Variants in SRPRB observed in about 807,000 individuals in gnomAD.
The protein encoded by SRPRB is signal recognition particle receptor subunit beta.
In SRPRB, 20 loss-of-function variants were observed where a neutral mutation model predicts 31.9. The observed-to-expected ratio is 0.63, with a 90% CI of 0.44 to 0.91. SRPRB has a LOEUF of 0.91. Among genes scored for constraint, SRPRB ranks in the 40% least tolerant of loss-of-function variants. The pLI is 0.00. For synonymous variants in SRPRB, 146 were observed against 132.8 expected, an observed-to-expected ratio of 1.10 and a Z score of -0.68; for missense variants, 321 against 324.9, an observed-to-expected ratio of 0.99 and a Z score of 0.09.
intron 1 of SRPRB, among the ~76,000 whole-genome samples, chr3:133,798,368 CA>C (rs1475735603): frequency 1.3e-5 from 2 of 152,154 alleles, no homozygotes; most frequent in East Asian, 3.8e-4. Context: ...TTAAGTAATT[CA>C]GTGAAAATAT....
In SRPRB at chr3:133,806,008, A is replaced by G; in HGVS notation, c.154+6A>G. 1 of 1,611,348 alleles carries G rather than the reference A, an allele frequency of 6.2e-7. No individual in the cohort carries two copies. The highest frequency in any genetic ancestry group is 8.5e-7 in the Non-Finnish European group (1 of 1,178,410). ...TGCGGTGCTGCTGACGCTAGGTAAA[A>G]GGCGGCCGGTGGTCATGGCGGGTTT... is the stretch of plus-strand genomic sequence containing the variant. On this transcript the variant is annotated splice_donor_region_variant and intron_variant, in intron 1 of 6. Coordinates refer to ENST00000678299, the MANE Select transcript of SRPRB (RefSeq NM_001379313.1).
chr3:133,797,936 A>T (rs1458335770), intron 1 of SRPRB, among the ~76,000 whole-genome samples: 1 of 152,120 alleles, frequency 6.6e-6, no homozygotes, highest in Admixed American at 6.6e-5. Context: ...AAGAGGGAGA[A>T]GGGGAAGGGT....
At chr3:133,817,251 G>A (rs578060192) in intron 6 of SRPRB, among the ~76,000 whole-genome samples, 2 of 152,204 alleles carry the variant, frequency 1.3e-5, no homozygotes, top group South Asian at 2.1e-4. Flanking sequence ...ACTTGAGAAC[G>A]GTGTTATTTC....
intron 1 of SRPRB, chr3:133,787,703 C>G (rs553446121): frequency 6.6e-6 from 1 of 152,236 alleles, no homozygotes; most frequent in African/African-American, 2.4e-5. Context: ...CTATTGTGTA[C>G]TAGAAAATTT....
downstream of SRPRB, chr3:133,828,080 G>A (rs1935600299): frequency 3.0e-6 from 2 of 672,902 alleles, no homozygotes; most frequent in Admixed American, 2.1e-5. Flanking sequence ...GGCTTTTCAG[G>A]GAAAGAGAAG....
At chr3:133,793,207 G>GTA (rs1934888905) in intron 1 of SRPRB, 1 of 152,168 alleles carries the variant, frequency 6.6e-6, no homozygotes, top group Non-Finnish European at 1.5e-5. Flanking sequence ...CAGATTGTTT[G>GTA]TAAAGTAAGT....
intron 3 of SRPRB, 161 bp from the exon 4 acceptor site, chr3:133,810,956 A>G: frequency 1.6e-6 from 1 of 607,268 alleles, no homozygotes. Context: ...CCACTGTTAC[A>G]TCCCCAGAAC....
chr3:133,824,229 A>G (rs1187033708), downstream of SRPRB: 1 of 152,244 alleles, frequency 6.6e-6, no homozygotes. Flanking sequence ...AACACAGACA[A>G]GAAGCTTTGT....
chr3:133,797,360 T>G, intron 1 of SRPRB, among the ~76,000 whole-genome samples: 1 of 152,094 alleles, frequency 6.6e-6, no homozygotes. Flanking sequence ...GGGAAGGGCT[T>G]TAGGCCATGT....
At chr3:133,810,245 C>T (rs1229063528) in intron 3 of SRPRB, 1 of 152,088 alleles carries the variant, frequency 6.6e-6, no homozygotes. Flanking sequence ...CATAATAAAC[C>T]CAGCTGGAAT....
rs527575233 is a variant in SRPRB at position 133,818,599 on chromosome 3, A to T, written c.603-954A>T. Reference sequence around the variant, plus strand: ...CATGTTTTACTTTTTTCCTTAAAAAATTTTTATTGTAAAATATCTTACTTA... The same window carrying T: ...CATGTTTTACTTTTTTCCTTAAAAATTTTTTATTGTAAAATATCTTACTTA... On this transcript the variant is annotated intron_variant, in intron 6 of 6. Coordinates refer to ENST00000678299, the MANE Select transcript of SRPRB (RefSeq NM_001379313.1). Among the ~76,000 whole-genome samples the T allele has an allele frequency of 1.6e-4, 24 of 152,294 alleles. No individual in the cohort carries two copies. In the South Asian group the frequency reaches 2.9e-3, roughly 18 times the overall value.
chr3:133,817,250 C>A (rs913409590), intron 6 of SRPRB, among the ~76,000 whole-genome samples: 4 of 152,042 alleles, frequency 2.6e-5, no homozygotes, highest in Non-Finnish European at 5.9e-5. Context: ...AACTTGAGAA[C>A]GGTGTTATTT....
At chr3:133,816,270 C>G (rs1935365770) in intron 5 of SRPRB, among the ~76,000 whole-genome samples, 1 of 152,190 alleles carries the variant, frequency 6.6e-6, no homozygotes, top group African/African-American at 2.4e-5. Context: ...ATGAAGAGTT[C>G]AAGGCATTTC....
upstream of SRPRB, among the ~76,000 whole-genome samples, chr3:133,803,034 C>G (rs983701708): frequency 6.6e-5 from 10 of 152,140 alleles, no homozygotes; most frequent in Non-Finnish European, 1.0e-4. Context: ...TAATCACATC[C>G]TACGTATTTT....
chr3:133,819,352 C>CG (rs1328451183), intron 6 of SRPRB, among the ~76,000 whole-genome samples: 1 of 148,264 alleles, frequency 6.7e-6, no homozygotes, highest in Admixed American at 6.7e-5. Flanking sequence ...GAGGTCTGAC[C>CG]CCCCCAGCCC....
At chr3:133,791,247 T>G (rs757019021) in intron 1 of SRPRB, 1 of 152,182 alleles carries the variant, frequency 6.6e-6, no homozygotes, top group Non-Finnish European at 1.5e-5. Context: ...TTATGATACT[T>G]TAAGTGTGTT....
At chr3:133,789,893 T>G (rs983858541) in intron 1 of SRPRB, 7 of 147,568 alleles carry the variant, frequency 4.7e-5, no homozygotes, top group African/African-American at 1.3e-4. Flanking sequence ...TTTTTTTTTT[T>G]TTTTTTTTTT....
intron 1 of SRPRB, chr3:133,788,705 C>G (rs530174128): frequency 6.6e-6 from 1 of 152,154 alleles, no homozygotes; most frequent in Non-Finnish European, 1.5e-5. Context: ...CGGAGGCAAC[C>G]GCAGGTTTCT....
chr3:133,822,413 G>A (rs1201212529), downstream of SRPRB, among the ~76,000 whole-genome samples: 1 of 152,196 alleles, frequency 6.6e-6, no homozygotes, highest in Non-Finnish European at 1.5e-5. Context: ...GTATGGACAC[G>A]GGCAGACCCA....
Sources: allele counts gnomAD v4.1 joint callset (sites outside exome capture counted in the v4.1 genomes callset), GRCh38; gene constraint gnomAD v4.1.1; transcripts MANE v1.5; gene names NCBI Gene and HGNC (gene_info 2026-07-23, HGNC 2026-07-21).